The following EVI5 variants were observed in gnomAD, a reference collection of about 807,000 sequenced individuals.
EVI5 encodes the protein ecotropic viral integration site 5.
Under a neutral mutation model 112.0 loss-of-function variants are expected in EVI5, and 73 were observed. That is an observed-to-expected ratio of 0.65 (90% CI 0.54 to 0.79). The LOEUF is 0.79. Ranked by LOEUF, EVI5 falls within the 30% of genes least tolerant of loss-of-function variation. EVI5 has a pLI of 0.00. For missense variants in EVI5, 900 were observed against 968.8 expected, an observed-to-expected ratio of 0.93 and a Z score of 0.94; for synonymous variants, 305 against 319.9, an observed-to-expected ratio of 0.95 and a Z score of 0.50.
At chr1:92,609,701 ATACC>A (rs1034767346) in intron 16 of EVI5, among the ~76,000 whole-genome samples, 1 of 152,028 alleles carries the variant, frequency 6.6e-6, no homozygotes, top group Admixed American at 6.6e-5. Context: ...TGCCATTATT[ATACC>A]TACTTTACCT....
chr1:92,632,195 T>G (rs1343091354), intron 14 of EVI5, among the ~76,000 whole-genome samples: 4 of 152,208 alleles, frequency 2.6e-5, no homozygotes, highest in Admixed American at 6.5e-5. Flanking sequence ...GCTGGCCTCA[T>G]AAAATGAGTT....
At chr1:92,623,216 G>A (rs1449215307) in intron 16 of EVI5, among the ~76,000 whole-genome samples, 4 of 151,956 alleles carry the variant, frequency 2.6e-5, no homozygotes, top group East Asian at 1.9e-4. Flanking sequence ...ATAAAATAAC[G>A]TGTGGAAAGT....
At chr1:92,729,835 A>G (rs1157117037) in intron 2 of EVI5, among the ~76,000 whole-genome samples, 1 of 152,218 alleles carries the variant, frequency 6.6e-6, no homozygotes, top group African/African-American at 2.4e-5. Flanking sequence ...TGGAGCGCAG[A>G]CTGTATCACA....
chr1:92,563,724 T>C lies in EVI5; in HGVS notation c.2084A>G (p.Lys695Arg), dbSNP rs753382027. ...AELEIQKEEG[K>R]LQGQLNKSDS... Reference sequence around the variant, plus strand: ...AGACTTGTTAAGCTGTCCTTGAAGCTTTCCTTCTTCTTTCTGTTTTGTGAC... The same window carrying C: ...AGACTTGTTAAGCTGTCCTTGAAGCCTTCCTTCTTCTTTCTGTTTTGTGAC... The change falls in exon 19 of 20, where the codon AAG becomes AGG. Residue 695 changes from lysine to arginine, a missense_variant. Lys to Arg is a conservative substitution (Grantham distance 26). Transcript: ENST00000684568. 1.2e-6 allele frequency: 2 copies of C among 1,603,658 alleles called. No individual in the cohort carries two copies. The highest frequency in any genetic ancestry group is 2.2e-5 in the South Asian group (2 of 89,524).
At chr1:92,636,179 C>G in intron 14 of EVI5, 23 bp downstream of exon 14, 1 of 1,593,804 alleles carries the variant, frequency 6.3e-7, no homozygotes, top group Non-Finnish European at 8.6e-7. Context: ...TTGGGAATGA[C>G]TGCATTTGTG....
At chr1:92,716,274 A>T (rs1673668064) in intron 2 of EVI5, among the ~76,000 whole-genome samples, 1 of 152,182 alleles carries the variant, frequency 6.6e-6, no homozygotes, top group Non-Finnish European at 1.5e-5. Flanking sequence ...AGGAAAGATC[A>T]GGCAGCAATA....
At chr1:92,679,198 G>C (rs1309230955) in intron 9 of EVI5, among the ~76,000 whole-genome samples, 4 of 152,126 alleles carry the variant, frequency 2.6e-5, no homozygotes, top group Non-Finnish European at 5.9e-5. Context: ...CATGACTGAT[G>C]ATCTGACATG....
intron 2 of EVI5, among the ~76,000 whole-genome samples, chr1:92,727,993 C>A (rs1675847538): frequency 2.9e-5 from 4 of 137,784 alleles, no homozygotes; most frequent in African/African-American, 2.7e-5. Context: ...GACCCTGTCT[C>A]AAAAAAAAAA....
chr1:92,572,280 G>C (rs1340984498), intron 18 of EVI5, among the ~76,000 whole-genome samples: 3 of 152,022 alleles, frequency 2.0e-5, no homozygotes, highest in Non-Finnish European at 4.4e-5. Context: ...CCCTACAATG[G>C]AAGATGAACA....
chr1:92,619,293 C>CT (rs1653972660), intron 16 of EVI5, among the ~76,000 whole-genome samples: 2 of 152,116 alleles, frequency 1.3e-5, no homozygotes, highest in African/African-American at 2.4e-5. Flanking sequence ...CAGCCTATAT[C>CT]TTTCCCCCAT....
chr1:92,621,130 A>G (rs1654472072), intron 16 of EVI5, among the ~76,000 whole-genome samples: 1 of 152,178 alleles, frequency 6.6e-6, no homozygotes, highest in African/African-American at 2.4e-5. Flanking sequence ...GAAGATAAAA[A>G]TGGAATCACA....
chr1:92,702,845 T>G (rs115171890), intron 4 of EVI5, among the ~76,000 whole-genome samples: 1,922 of 151,496 alleles, frequency 0.013, 43 homozygotes, highest in African/African-American at 0.043. Context: ...TTTATATTGA[T>G]GTATATAAAA....
At chr1:92,626,234 C>T (rs139266738) in intron 14 of EVI5, among the ~76,000 whole-genome samples, 128 of 152,280 alleles carry the variant, frequency 8.4e-4, no homozygotes, top group African/African-American at 2.9e-3. Flanking sequence ...CATCCCCTGG[C>T]AACCACCAAT....
chr1:92,532,044 C>T (rs1446705958), intron 19 of EVI5, among the ~76,000 whole-genome samples: 2 of 152,068 alleles, frequency 1.3e-5, no homozygotes, highest in Non-Finnish European at 1.5e-5. Context: ...GGAGACTCAT[C>T]TCATGTGCAA....
chr1:92,713,275 A>G (rs889726294), intron 2 of EVI5, among the ~76,000 whole-genome samples: 1 of 151,580 alleles, frequency 6.6e-6, no homozygotes, highest in Non-Finnish European at 1.5e-5. Context: ...ATTGCTACAT[A>G]TGGTTACTGG....
At chr1:92,647,598 A>C (rs763335125) in intron 13 of EVI5, 3 of 500,340 alleles carry the variant, frequency 6.0e-6, no homozygotes, top group Non-Finnish European at 1.1e-5. Context: ...AGAAGGAATA[A>C]GCAGACACCT....
chr1:92,560,631 G>A (rs1308828985), intron 19 of EVI5, among the ~76,000 whole-genome samples: 1 of 151,832 alleles, frequency 6.6e-6, no homozygotes, highest in African/African-American at 2.4e-5. Flanking sequence ...CAGTGATCAC[G>A]GTTCACTGCA....
At chr1:92,631,759 C>G (rs573516264) in intron 14 of EVI5, among the ~76,000 whole-genome samples, 3 of 151,986 alleles carry the variant, frequency 2.0e-5, no homozygotes, top group East Asian at 3.9e-4. Flanking sequence ...GTCTTGTGCC[C>G]GTTTTCAAAG....
At chr1:92,789,290 C>T (rs771092709), upstream of EVI5, among the ~76,000 whole-genome samples, 30 of 151,290 alleles carry the variant, frequency 2.0e-4, no homozygotes, top group Non-Finnish European at 4.0e-4. Flanking sequence ...CTCCTGAATT[C>T]AAGCCATCCT....
Sources: allele counts gnomAD v4.1 joint callset (sites outside exome capture counted in the v4.1 genomes callset), GRCh38; gene constraint gnomAD v4.1.1; transcripts MANE v1.5; gene names NCBI Gene and HGNC (gene_info 2026-07-23, HGNC 2026-07-21).